The following PTPRD variants were observed in gnomAD, a reference collection of about 807,000 sequenced individuals.
PTPRD encodes protein tyrosine phosphatase receptor type D.
A neutral mutation model predicts 214.5 loss-of-function variants in PTPRD; 34 were observed. The ratio of observed to expected loss-of-function variants is 0.16; its 90% CI spans 0.12 to 0.21. PTPRD has a LOEUF of 0.21. PTPRD is among the 10% of genes least tolerant of loss of function. The probability of loss-of-function intolerance (pLI) is 1.00; values close to 1 mark genes in which losing one functional copy is unlikely to be tolerated. For missense variants in PTPRD, 2,545 were observed against 2,398.7 expected (o/e 1.06, Z -1.27); for synonymous variants, 1,128 against 845.7 (o/e 1.33, Z -5.79).
intron 11 of PTPRD, among the ~76,000 whole-genome samples, chr9:8,823,638 T>A (rs1429743479): frequency 1.4e-5 from 2 of 147,142 alleles, no homozygotes; most frequent in Admixed American, 6.8e-5. Context: ...GGAAACAGAG[T>A]GAGACCCTGT....
intron 7 of PTPRD, among the ~76,000 whole-genome samples, chr9:9,603,408 A>C (rs1308968246): frequency 6.6e-6 from 1 of 152,178 alleles, no homozygotes; most frequent in South Asian, 2.1e-4. Flanking sequence ...TGTAATTAGA[A>C]ATAGCAAATA....
intron 8 of PTPRD, among the ~76,000 whole-genome samples, chr9:9,462,609 T>A (rs945527576): frequency 6.6e-6 from 1 of 152,130 alleles, no homozygotes; most frequent in Non-Finnish European, 1.5e-5. Context: ...CAGGGTGGCC[T>A]GTTCTAGTTG....
chr9:9,749,463 T>G (rs1186857811), intron 6 of PTPRD, among the ~76,000 whole-genome samples: 1 of 152,158 alleles, frequency 6.6e-6, no homozygotes, highest in African/African-American at 2.4e-5. Flanking sequence ...GGGAATTATT[T>G]ATTGATCCCC....
chr9:9,524,676 G>C (rs1004793810), intron 8 of PTPRD, among the ~76,000 whole-genome samples: 1 of 152,142 alleles, frequency 6.6e-6, no homozygotes, highest in Admixed American at 6.5e-5. Context: ...TTAACGTATA[G>C]TCATTTTGTC....
At chr9:10,601,878 T>C (rs1282858999) in intron 2 of PTPRD, among the ~76,000 whole-genome samples, 1 of 151,740 alleles carries the variant, frequency 6.6e-6, no homozygotes, top group Non-Finnish European at 1.5e-5. Context: ...CATTTACAAC[T>C]GAAAATTCAT....
chr9:8,415,123 T>C (rs143137183), intron 35 of PTPRD, among the ~76,000 whole-genome samples: 2 of 152,288 alleles, frequency 1.3e-5, no homozygotes, highest in African/African-American at 4.8e-5. Context: ...AATGAGATAC[T>C]GAATCCAGAA....
intron 5 of PTPRD, 40 bp from the exon 6 acceptor site, chr9:9,766,891 T>TA (rs573055462): frequency 6.6e-4 from 101 of 152,546 alleles, no homozygotes; most frequent in African/African-American, 2.2e-3. Context: ...ATATACTTAG[T>TA]AAATGCATAG....
intron 10 of PTPRD, among the ~76,000 whole-genome samples, chr9:9,144,068 T>A (rs2099864547): frequency 6.6e-6 from 1 of 152,222 alleles, no homozygotes; most frequent in Non-Finnish European, 1.5e-5. Flanking sequence ...AAATGTCTGA[T>A]AAACGAATGG....
rs138318693 is a variant in PTPRD at position 8,353,706 on chromosome 9, T to A, written c.4662-11728A>T. Among the ~76,000 whole-genome samples the A allele has an allele frequency of 8.1e-3, 1,233 of 151,932 alleles. 15 individuals carry two copies. The highest frequency in any genetic ancestry group is 0.027 in the African/African-American group (1,119 of 41,404). ...GCCTCAGCCCCCCAAAGTGGTGGGA[T>A]TACAGGCATGAGCCACTGCACCCAG... On this transcript the variant is annotated intron_variant, in intron 39 of 45. Transcript: ENST00000381196.
At chr9:9,731,121 G>A (rs769097867) in intron 7 of PTPRD, among the ~76,000 whole-genome samples, 5 of 152,084 alleles carry the variant, frequency 3.3e-5, no homozygotes, top group Admixed American at 6.6e-5. Flanking sequence ...TGCTATGTAG[G>A]AAGTGTCAGT....
chr9:9,001,263 T>C (rs909231633), intron 11 of PTPRD, among the ~76,000 whole-genome samples: 2 of 152,044 alleles, frequency 1.3e-5, no homozygotes, highest in African/African-American at 2.4e-5. Context: ...TAAGATCCCC[T>C]TGGAGCCTGG....
At chr9:8,527,272 A>G (rs2074422097) in intron 16 of PTPRD, 73 bp downstream of exon 16, 4 of 1,471,964 alleles carry the variant, frequency 2.7e-6, no homozygotes, top group Non-Finnish European at 2.8e-6. Flanking sequence ...CATGCATTTT[A>G]TTAATAATAA....
At chr9:9,599,515 G>A (rs1157351211) in intron 7 of PTPRD, among the ~76,000 whole-genome samples, 1 of 151,982 alleles carries the variant, frequency 6.6e-6, no homozygotes, top group Non-Finnish European at 1.5e-5. Flanking sequence ...CTCAGCTTCT[G>A]GAACTTTTTA....
At chr9:9,139,100 C>T (rs879461761) in intron 10 of PTPRD, among the ~76,000 whole-genome samples, 32 of 148,438 alleles carry the variant, frequency 2.2e-4, no homozygotes, top group Non-Finnish European at 4.5e-4. Flanking sequence ...GAGCCCCCCT[C>T]CCCCCCGCCC....
intron 7 of PTPRD, among the ~76,000 whole-genome samples, chr9:9,667,958 G>A (rs184637995): frequency 3.2e-4 from 48 of 152,224 alleles, no homozygotes; most frequent in African/African-American, 1.2e-3. Context: ...CTTATGAGCT[G>A]CAAAGATTAT....
chr9:10,125,439 T>G (rs1231451786), intron 3 of PTPRD, among the ~76,000 whole-genome samples: 2 of 92,316 alleles, frequency 2.2e-5, no homozygotes, highest in African/African-American at 8.8e-5. Flanking sequence ...ATTATTATTA[T>G]TATTATTATT....
At chr9:10,357,996 C>T (rs2097309069) in intron 2 of PTPRD, among the ~76,000 whole-genome samples, 1 of 152,112 alleles carries the variant, frequency 6.6e-6, no homozygotes, top group East Asian at 1.9e-4. Flanking sequence ...TCTCCAGGTA[C>T]TCCATAGTCA....
intron 11 of PTPRD, among the ~76,000 whole-genome samples, chr9:8,921,608 C>T (rs955064405): frequency 1.3e-5 from 2 of 152,032 alleles, no homozygotes; most frequent in African/African-American, 4.8e-5. Flanking sequence ...ATTCTCCCAA[C>T]TTAACCTCCT....
intron 6 of PTPRD, among the ~76,000 whole-genome samples, chr9:9,765,062 C>T (rs2098695327): frequency 6.6e-6 from 1 of 152,118 alleles, no homozygotes; most frequent in African/African-American, 2.4e-5. Context: ...CATTCATTCC[C>T]TGTCTGGCAG....
Sources: gnomAD v4.1 joint callset for allele counts (sites outside exome capture counted in the v4.1 genomes callset) on GRCh38, gnomAD v4.1.1 for gene constraint, MANE v1.5 for transcripts, NCBI Gene and HGNC (gene_info 2026-07-23, HGNC 2026-07-21) for gene names.